Variants in FHOD3 observed in about 807,000 individuals in gnomAD.
FHOD3 encodes formin homology 2 domain containing 3, also known as FH1/FH2 domain-containing protein 3.
In FHOD3, 90 loss-of-function variants were observed where a neutral mutation model predicts 173.0. The ratio of observed to expected loss-of-function variants is 0.52; its 90% CI spans 0.44 to 0.62. The LOEUF (loss-of-function observed/expected upper bound fraction) is 0.62, where lower values mean the gene tolerates loss of function less well. Among genes scored for constraint, FHOD3 ranks in the 20% least tolerant of loss-of-function variants. FHOD3 has a pLI of 0.00. For synonymous variants in FHOD3, 828 were observed against 823.0 expected (o/e 1.01, Z -0.10); for missense variants, 1,945 against 2,034.7 (o/e 0.96, Z 0.85).
chr18:36,610,856 A>G (rs1182661073), intron 8 of FHOD3, among the ~76,000 whole-genome samples: 2 of 152,224 alleles, frequency 1.3e-5, no homozygotes, highest in Admixed American at 1.3e-4. Context: ...CTAAAGGCTG[A>G]GACTGGAATG....
At chr18:36,298,073 G>A (rs1391981475) in intron 1 of FHOD3, 73 bp downstream of exon 1, 3 of 1,312,568 alleles carry the variant, frequency 2.3e-6, no homozygotes, top group Admixed American at 3.9e-5. Flanking sequence ...GGTGGGTCCC[G>A]GGGCTTCGTG....
Position 36,652,822 on chromosome 18 carries a change from C to A in FHOD3, c.1539C>A (p.Asp513Glu). Residue 513 changes from aspartate (D) to glutamate (E), a missense_variant, in exon 12 of 29, where the codon GAC (aspartate) becomes GAA (glutamate). Around this residue, in one of 5 missense-constraint regions of FHOD3, gnomAD observed 1,099 missense variants for 1,051.2 expected, o/e 1.05. Transcript: ENST00000590592. ...CCCTGAAGGTGTCACCGACCATAGA[C>A]AAGCTGCCCTACGTGCCCCACAGCC... is the stretch of plus-strand genomic sequence containing the variant. ...PGSLKVSPTI[D>E]KLPYVPHSPF... The A allele has an allele frequency of 6.5e-7, 1 of 1,536,076 alleles. No homozygotes were observed. The highest frequency in any genetic ancestry group is 8.7e-7 in the Non-Finnish European group (1 of 1,146,756).
At chr18:36,379,437 G>T (rs2047624558) in intron 3 of FHOD3, among the ~76,000 whole-genome samples, 1 of 152,102 alleles carries the variant, frequency 6.6e-6, no homozygotes, top group African/African-American at 2.4e-5. Context: ...CATCTCTAGG[G>T]ATCTCGAGGT....
At chr18:36,345,353 T>C (rs1438109746) in intron 1 of FHOD3, among the ~76,000 whole-genome samples, 4 of 152,256 alleles carry the variant, frequency 2.6e-5, no homozygotes, top group Admixed American at 6.5e-5. Context: ...TAGAAATTAT[T>C]TTGAATCGAA....
At position 36,779,544 on chromosome 18, in the gene FHOD3, C is replaced by T; in HGVS notation, c.*14C>T. 1 of 1,612,822 alleles carries T rather than the reference C, an allele frequency of 6.2e-7. No homozygotes were observed. On this transcript the variant is annotated 3_prime_UTR_variant, in exon 29 of 29. Coordinates refer to ENST00000590592, the MANE Select transcript of FHOD3 (RefSeq NM_001281740.3). The stretch of plus-strand genomic sequence containing the variant: ...TTGCAGCTGTGACACTCATAGGTTA[C>T]TCCCAGGAGTGTGCTGAGCAGAAGG...
At chr18:36,705,657 T>C (rs1240674057) in intron 17 of FHOD3, among the ~76,000 whole-genome samples, 3 of 152,098 alleles carry the variant, frequency 2.0e-5, no homozygotes, top group African/African-American at 7.2e-5. Context: ...GCTAGGTCAG[T>C]CTCATGGGTC....
intron 24 of FHOD3, among the ~76,000 whole-genome samples, chr18:36,752,497 A>G (rs2042446006): frequency 6.6e-6 from 1 of 152,212 alleles, no homozygotes; most frequent in Non-Finnish European, 1.5e-5. Flanking sequence ...GCCTGCCCAT[A>G]ACCATACAAT....
intron 17 of FHOD3, among the ~76,000 whole-genome samples, chr18:36,705,498 A>G (rs1245131973): frequency 2.0e-5 from 3 of 152,070 alleles, no homozygotes; most frequent in Non-Finnish European, 2.9e-5. Context: ...TTACAAAAGT[A>G]TTTTCGTTAT....
intron 6 of FHOD3, among the ~76,000 whole-genome samples, chr18:36,585,451 A>G (rs1430449764): frequency 1.3e-5 from 2 of 151,938 alleles, no homozygotes. Flanking sequence ...TCAGTAGGAA[A>G]AAAAAGGGAA....
At chr18:36,498,788 G>T (rs901566130) in intron 3 of FHOD3, among the ~76,000 whole-genome samples, 14 of 152,152 alleles carry the variant, frequency 9.2e-5, no homozygotes, top group African/African-American at 2.9e-4. Context: ...TATGATTATA[G>T]ATGCAGAAAT....
intron 13 of FHOD3, among the ~76,000 whole-genome samples, chr18:36,655,053 CTTTT>C (rs56831321): frequency 3.4e-4 from 42 of 125,032 alleles, no homozygotes; most frequent in African/African-American, 3.7e-4. Flanking sequence ...TTTTTTCCTT[CTTTT>C]TTTTTTTTTT....
intron 6 of FHOD3, among the ~76,000 whole-genome samples, chr18:36,579,423 G>T (rs1357605830): frequency 1.3e-5 from 2 of 152,304 alleles, no homozygotes; most frequent in East Asian, 3.9e-4. Flanking sequence ...TGAGGGCAAG[G>T]TTAGGGAAGG....
intron 9 of FHOD3, among the ~76,000 whole-genome samples, chr18:36,623,577 A>T (rs987037144): frequency 1.3e-5 from 2 of 152,230 alleles, no homozygotes; most frequent in Non-Finnish European, 2.9e-5. Context: ...ATGCAGAAGG[A>T]TACTCCTAGG....
intron 5 of FHOD3, among the ~76,000 whole-genome samples, chr18:36,520,576 G>A (rs2056225411): frequency 6.6e-6 from 1 of 152,026 alleles, no homozygotes; most frequent in Non-Finnish European, 1.5e-5. Flanking sequence ...ATTCAATCTG[G>A]AATCACATTT....
Position 36,594,407 on chromosome 18 carries a change from T to C in FHOD3, c.607-380T>C, listed in dbSNP as rs959489459. 9.9e-5 allele frequency among the ~76,000 whole-genome samples: 15 copies of C among 152,220 alleles called. No homozygotes were observed. The Middle Eastern group carries it at 0.01, about 104-fold the overall frequency. On this transcript the variant is annotated intron_variant, in intron 6 of 28. Transcript: ENST00000590592. ...TTCTTCACGAGAAAAATAAGAATGG[T>C]GCTTATGTCTACCTCACAGTGTTAT...
chr18:36,589,271 C>A (rs1055441990), intron 6 of FHOD3, among the ~76,000 whole-genome samples: 3 of 152,194 alleles, frequency 2.0e-5, no homozygotes, highest in Non-Finnish European at 4.4e-5. Flanking sequence ...ACAACATAAA[C>A]ATAGTCTTTA....
chr18:36,399,851 A>G (rs2048721774), intron 3 of FHOD3, among the ~76,000 whole-genome samples: 1 of 152,198 alleles, frequency 6.6e-6, no homozygotes, highest in Non-Finnish European at 1.5e-5. Flanking sequence ...AAGTGAGTAC[A>G]CAGTTAGAGG....
chr18:36,693,745 T>C (rs1222074592), intron 17 of FHOD3, among the ~76,000 whole-genome samples: 1 of 152,256 alleles, frequency 6.6e-6, no homozygotes, highest in Admixed American at 6.5e-5. Context: ...CATTTTGAGA[T>C]GTGGGTCTGC....
chr18:36,547,694 C>T (rs911849703), intron 5 of FHOD3, among the ~76,000 whole-genome samples: 11 of 152,164 alleles, frequency 7.2e-5, no homozygotes, highest in African/African-American at 2.7e-4. Context: ...CGGGAAGGAA[C>T]GTCGCAGTGT....
Sources: allele counts gnomAD v4.1 joint callset (sites outside exome capture counted in the v4.1 genomes callset), GRCh38; gene constraint gnomAD v4.1.1; regional missense constraint gnomAD v4.1.1; transcripts MANE v1.5; gene names NCBI Gene and HGNC (gene_info 2026-07-23, HGNC 2026-07-21).